Variants in BTAF1 observed in about 807,000 individuals in gnomAD.
BTAF1 encodes the protein B-TFIID TATA-box binding protein associated factor 1.
In BTAF1, 38 loss-of-function variants were observed where a neutral mutation model predicts 227.1. The observed-to-expected ratio is 0.17, with a 90% CI of 0.13 to 0.22. The LOEUF (loss-of-function observed/expected upper bound fraction) is 0.22. Ranked by LOEUF, BTAF1 falls within the 10% of genes least tolerant of loss-of-function variation. The pLI is 1.00. For synonymous variants in BTAF1, 742 were observed against 751.9 expected (o/e 0.99, Z 0.21); for missense variants, 1,598 against 2,204.0 (o/e 0.73, Z 5.51).
intron 25 of BTAF1, among the ~76,000 whole-genome samples, chr10:92,001,968 CCATATATAT>C (rs1282131331): frequency 5.4e-5 from 2 of 37,230 alleles, no homozygotes; most frequent in Non-Finnish European, 6.9e-5. Flanking sequence ...AAAAAAAAAA[CCATATATAT>C]ATATATATAC....
intron 8 of BTAF1, among the ~76,000 whole-genome samples, chr10:91,958,703 G>A (rs7078187): frequency 0.96 from 145,749 of 152,206 alleles, 70,131 homozygotes; most frequent in East Asian, 1. Flanking sequence ...ACTCCATCTC[G>A]AAAAACAAAC....
intron 30 of BTAF1, among the ~76,000 whole-genome samples, chr10:92,012,022 A>G (rs1350772353): frequency 6.7e-6 from 1 of 150,078 alleles, no homozygotes; most frequent in African/African-American, 2.5e-5. Context: ...GATTCCTTCC[A>G]ACTTTAAAAA....
intron 13 of BTAF1, among the ~76,000 whole-genome samples, chr10:91,964,451 T>C (rs899260743): frequency 2.0e-5 from 3 of 152,180 alleles, no homozygotes; most frequent in East Asian, 3.8e-4. Context: ...GTTCGTCTTA[T>C]AATTGTTTAC....
intron 14 of BTAF1, among the ~76,000 whole-genome samples, chr10:91,967,908 C>A (rs1275890658): frequency 6.6e-6 from 1 of 151,962 alleles, no homozygotes; most frequent in Non-Finnish European, 1.5e-5. Flanking sequence ...TTTAGATTTA[C>A]AGAAAAAATG....
intron 37 of BTAF1, among the ~76,000 whole-genome samples, chr10:92,027,864 A>G (rs905909938): frequency 1.3e-5 from 2 of 152,184 alleles, no homozygotes; most frequent in African/African-American, 2.4e-5. Flanking sequence ...TTAAAGTCCT[A>G]CATAGGTTCA....
At chr10:92,002,082 T>C (rs1320267761) in intron 25 of BTAF1, among the ~76,000 whole-genome samples, 2 of 149,270 alleles carry the variant, frequency 1.3e-5, no homozygotes, top group Non-Finnish European at 3.0e-5. Flanking sequence ...AATATAAGAA[T>C]GACCCAAATT....
intron 4 of BTAF1, among the ~76,000 whole-genome samples, chr10:91,946,002 C>A (rs1005292579): frequency 1.3e-5 from 2 of 152,172 alleles, no homozygotes; most frequent in Non-Finnish European, 2.9e-5. Context: ...GGTAGTATTT[C>A]ATTTTATGGC....
intron 14 of BTAF1, among the ~76,000 whole-genome samples, chr10:91,970,301 C>T (rs2252200): frequency 0.59 from 90,149 of 151,976 alleles, 30,451 homozygotes; most frequent in East Asian, 0.77. Context: ...TGCTGGGTTT[C>T]CTGGGAAATA....
In BTAF1 at chr10:91,924,207, T is replaced by G. The variant is rs1053155432; in HGVS notation, c.14+117T>G. On this transcript the variant is annotated intron_variant, in intron 1 of 37. Transcript: ENST00000265990. ...TCATTGTCACTGGGCTCTGGAGCTT[T>G]CTTCAGTAGACTTCGGAGTTCGCCC... The G allele has an allele frequency of 2.2e-5, 30 of 1,375,778 alleles. No homozygotes were observed. The Admixed American group carries it at 8.3e-4, about 38-fold the overall frequency. The allele number at this position is 1,375,778 out of a possible 1,614,324, so 85.2% of individuals were successfully genotyped here. A position where few individuals can be genotyped will look rare whatever the true frequency, so the allele number is the denominator to read the frequency against.
chr10:91,953,647 T>A, intron 5 of BTAF1, 90 bp from the exon 6 acceptor site: 1 of 1,404,828 alleles, frequency 7.1e-7, no homozygotes, highest in South Asian at 1.4e-5. Context: ...TATACTGAAA[T>A]TTATAGACTT....
chr10:91,998,551 C>T (rs12256558), intron 25 of BTAF1, among the ~76,000 whole-genome samples: 1,681 of 151,526 alleles, frequency 0.011, 30 homozygotes, highest in African/African-American at 0.037. Context: ...TAATGTGTGG[C>T]CAATGCAGGA....
intron 14 of BTAF1, among the ~76,000 whole-genome samples, chr10:91,979,408 A>C (rs529445611): frequency 6.6e-6 from 1 of 152,198 alleles, no homozygotes; most frequent in South Asian, 2.1e-4. Context: ...CCCTTTTAAA[A>C]CTTGTTTCAA....
chr10:91,939,843 TG>T, intron 2 of BTAF1, 108 bp from the exon 3 acceptor site: 1 of 617,360 alleles, frequency 1.6e-6, no homozygotes, highest in Non-Finnish European at 2.8e-6. Context: ...TGTATTTGGA[TG>T]GCTGCCAAAT....
At chr10:91,982,306 C>G (rs1461908187) in intron 17 of BTAF1, 81 bp downstream of exon 17, 2 of 1,581,170 alleles carry the variant, frequency 1.3e-6, no homozygotes, top group Non-Finnish European at 1.7e-6. Flanking sequence ...GAAGATTCCT[C>G]TGCTGTCTCC....
At chr10:91,952,307 A>G (rs973955776) in intron 5 of BTAF1, among the ~76,000 whole-genome samples, 1 of 152,166 alleles carries the variant, frequency 6.6e-6, no homozygotes, top group Admixed American at 6.5e-5. Flanking sequence ...TGGCTGTACC[A>G]TAATTTCACT....
intron 8 of BTAF1, among the ~76,000 whole-genome samples, chr10:91,958,810 A>T (rs1024760870): frequency 6.6e-6 from 1 of 152,210 alleles, no homozygotes; most frequent in Non-Finnish European, 1.5e-5. Context: ...AGCAATGTGG[A>T]TTTATATCTC....
chr10:91,991,279 T>TATATATATATATATATATATATAAATAA (rs1256838673), intron 20 of BTAF1, among the ~76,000 whole-genome samples: 3 of 98,426 alleles, frequency 3.0e-5, no homozygotes, highest in Non-Finnish European at 7.0e-5. Flanking sequence ...TAAATATATA[T>TATATATATATATATATATATATAAATAA]ATATATATAT....
chr10:91,947,035 G>T (rs7904900), intron 4 of BTAF1, among the ~76,000 whole-genome samples: 11,956 of 151,978 alleles, frequency 0.079, 703 homozygotes, highest in East Asian at 0.2. Flanking sequence ...TAGAGATAGG[G>T]TTTCACTGTT....
At chr10:91,950,156 G>GT (rs1564666117) in intron 4 of BTAF1, among the ~76,000 whole-genome samples, 6 of 39,564 alleles carry the variant, frequency 1.5e-4, no homozygotes, top group Non-Finnish European at 3.8e-4. Flanking sequence ...TGTGGGGGGG[G>GT]GCGGGAAAGA....
Sources: allele counts gnomAD v4.1 joint callset (sites outside exome capture counted in the v4.1 genomes callset), GRCh38; gene constraint gnomAD v4.1.1; transcripts MANE v1.5; gene names NCBI Gene and HGNC (gene_info 2026-07-23, HGNC 2026-07-21).